Variants in RYR1 observed in about 807,000 individuals in gnomAD.
The protein encoded by RYR1 is ryanodine receptor 1.
Under a neutral mutation model 583.5 loss-of-function variants are expected in RYR1, and 342 were observed. That is an observed-to-expected ratio of 0.59 (90% CI 0.54 to 0.64). RYR1 has a LOEUF of 0.64. Ranked by LOEUF, RYR1 falls within the 30% of genes least tolerant of loss-of-function variation. RYR1 has a pLI of 0.00. For missense variants in RYR1, 6,032 were observed against 6,917.2 expected, an observed-to-expected ratio of 0.87 and a Z score of 4.54; for synonymous variants, 2,791 against 2,822.5, an observed-to-expected ratio of 0.99 and a Z score of 0.35.
At chr19:38,484,243 G>A (rs956234106) in intron 33 of RYR1, among the ~76,000 whole-genome samples, 6 of 152,076 alleles carry the variant, frequency 3.9e-5, no homozygotes, top group Non-Finnish European at 8.8e-5. Flanking sequence ...ATTGAGCTAG[G>A]ATCACGCCAC....
At chr19:38,503,070 C>T in intron 49 of RYR1, 100 bp downstream of exon 49, 8 of 1,134,566 alleles carry the variant, frequency 7.1e-6, no homozygotes, top group Non-Finnish European at 1.0e-5. Context: ...ACTGCCCAGC[C>T]CAATAAACCT....
intron 69 of RYR1, chr19:38,523,525 AT>A (rs1340620529): frequency 3.5e-6 from 2 of 567,182 alleles, no homozygotes; most frequent in African/African-American, 4.7e-5. Context: ...CCTCCTCTCC[AT>A]CTCCCTCTTC....
chr19:38,584,627 C>G (rs1165205852), intron 101 of RYR1, among the ~76,000 whole-genome samples: 1 of 90,410 alleles, frequency 1.1e-5, no homozygotes, highest in East Asian at 3.4e-4. Context: ...CCATCCCAGC[C>G]CTGACCCCTC....
At chr19:38,462,891 CTTTTTTTTTTT>C (rs553168266) in intron 20 of RYR1, among the ~76,000 whole-genome samples, 1 of 78,754 alleles carries the variant, frequency 1.3e-5, no homozygotes, top group African/African-American at 4.9e-5. Flanking sequence ...ACTCTCTCTT[CTTTTTTTTTTT>C]TTTTTTTTTT....
chr19:38,583,105 T>C (rs1489996938), intron 101 of RYR1, among the ~76,000 whole-genome samples: 1 of 152,050 alleles, frequency 6.6e-6, no homozygotes, highest in Admixed American at 6.6e-5. Context: ...GAGACCAGTC[T>C]GGCCAACGTG....
In RYR1 at chr19:38,580,072, A is replaced by G; in HGVS notation, c.14455A>G (p.Met4819Val). 1.2e-6 allele frequency: 2 copies of G among 1,614,142 alleles called. No individual in the cohort carries two copies. Among genetic ancestry groups the G allele is most frequent in the Non-Finnish European group, 1.7e-6 (2 of 1,180,026 alleles). ...FFAAHLLDIA[M>V]GVKTLRTILS... ...TGCTGCCCATCTCCTGGACATCGCC[A>G]TGGGGGTCAAGACGCTGCGCACCAT... The change falls in exon 100 of 106, where the codon ATG becomes GTG. Residue 4819 changes from methionine (M) to valine (V), a missense_variant. By Grantham distance (21) the Met-to-Val change is conservative (BLOSUM62 1). Around this residue, in one of 11 missense-constraint regions of RYR1, gnomAD observed 189 missense variants for 350.3 expected, o/e 0.54. Coordinates refer to ENST00000359596, the MANE Select transcript of RYR1 (RefSeq NM_000540.3).
intron 90 of RYR1, 83 bp from the exon 91 acceptor site, chr19:38,564,876 C>G (rs1973316179): frequency 6.5e-7 from 1 of 1,530,242 alleles, no homozygotes; most frequent in Non-Finnish European, 8.8e-7. Flanking sequence ...CCGCGGTGAC[C>G]CCTTGTAGCT....
intron 78 of RYR1, among the ~76,000 whole-genome samples, chr19:38,533,468 C>T (rs918525703): frequency 6.6e-6 from 1 of 152,020 alleles, no homozygotes. Flanking sequence ...ATTTGTGATC[C>T]AGTAATACTT....
In RYR1 at chr19:38,500,912, C is replaced by G. The variant is rs368560744; in HGVS notation, c.7536C>G (p.Ile2512Met). 8 of 1,613,890 alleles carry G rather than the reference C, an allele frequency of 5.0e-6. No individual in the cohort carries two copies. The highest frequency in any genetic ancestry group is 6.8e-6 in the Non-Finnish European group (8 of 1,179,980). ...TCTTCCTGGACCGTGTGTATGGCATCGAGAACCAGGACTTCTTGCTGCACG... is the reference window on the plus strand; with the variant it reads ...TCTTCCTGGACCGTGTGTATGGCATGGAGAACCAGGACTTCTTGCTGCACG... ...MVLFLDRVYG[I>M]ENQDFLLHVL... Residue 2512 changes from isoleucine to methionine, a missense_variant, in exon 47 of 106, where the codon ATC (isoleucine) becomes ATG (methionine). This residue lies in a region of RYR1 where 2,627 missense variants were observed against 2,961.3 expected (regional missense o/e 0.89). Transcript: ENST00000359596. The surrounding 1 kb of genome is among the most constrained non-coding windows in gnomAD (Gnocchi z 5.9).
rs527732736 is a variant in RYR1, at chr19:38,473,650, G to A, written c.4039G>A (p.Gly1347Ser). 14 of 1,556,296 alleles carry A rather than the reference G, an allele frequency of 9.0e-6. No individual in the cohort carries two copies. Among genetic ancestry groups the A allele is most frequent in the East Asian group, 7.2e-5 (3 of 41,660 alleles). ...TGGGGGCTGGAGCGAGGCAGAGAAC[G>A]GCAAAGAAGGGACTGCGAAGGAGGG... Reference protein sequence around the residue: ...SAGGWSEAENGKEGTAKEGAP... With the variant: ...SAGGWSEAENSKEGTAKEGAP... Residue 1347 changes from glycine to serine, a missense_variant, in exon 28 of 106, where the codon GGC becomes AGC. Physicochemically the swap from Gly to Ser is moderately conservative, Grantham distance 56 (BLOSUM62 0). Around this residue, in one of 11 missense-constraint regions of RYR1, gnomAD observed 2,627 missense variants for 2,961.3 expected, o/e 0.89. Coordinates refer to ENST00000359596, the MANE Select transcript of RYR1 (RefSeq NM_000540.3).
In RYR1 at chr19:38,543,137, A is replaced by G. The variant is rs1160858776; in HGVS notation, c.11690-210A>G. ...AATTACAGGCGTGAGCCACCCGGCC[A>G]GTATTTTTAGACAAATGAATAAATG... On this transcript the variant is annotated intron_variant, in intron 84 of 105. Transcript: ENST00000359596. This position sits in a 1 kb window ranked among gnomAD's most constrained non-coding sequence, Gnocchi z 4.4. Among the ~76,000 whole-genome samples, 1 of 152,208 alleles carries G rather than the reference A, an allele frequency of 6.6e-6. No homozygotes were observed. The highest frequency in any genetic ancestry group is 2.4e-5 in the African/African-American group (1 of 41,454).
At chr19:38,540,241 GA>G (rs1972139063) in intron 84 of RYR1, among the ~76,000 whole-genome samples, 2 of 151,906 alleles carry the variant, frequency 1.3e-5, no homozygotes, top group Admixed American at 1.3e-4. Flanking sequence ...TTAGGAGGCT[GA>G]GGCAGGAGGA....
intron 13 of RYR1, among the ~76,000 whole-genome samples, chr19:38,455,020 G>T (rs1267454920): frequency 6.6e-6 from 1 of 152,082 alleles, no homozygotes; most frequent in Non-Finnish European, 1.5e-5. Context: ...TCATATTGGG[G>T]ATAGAGTCAG....
intron 19 of RYR1, 51 bp downstream of exon 19, chr19:38,459,389 T>G: frequency 2.6e-6 from 4 of 1,540,802 alleles, no homozygotes; most frequent in Non-Finnish European, 3.6e-6. Flanking sequence ...AGGACTGACC[T>G]GAGACAGCTT....
intron 11 of RYR1, among the ~76,000 whole-genome samples, chr19:38,449,220 G>A (rs1191265841): frequency 6.6e-6 from 1 of 152,198 alleles, no homozygotes; most frequent in Non-Finnish European, 1.5e-5. Flanking sequence ...AGCACTTTGG[G>A]AGGCCCAGGC....
chr19:38,519,671 T>G lies in RYR1; in HGVS notation c.10259+217T>G, dbSNP rs2960327. On this transcript the variant is annotated intron_variant, in intron 67 of 105. Coordinates refer to ENST00000359596, the MANE Select transcript of RYR1 (RefSeq NM_000540.3). ...TTTCTTTTTGTTTTTGGTTTTTGGGTTTTTTTTTGTTTGTTTTTGTTTTTG... is the reference window on the plus strand; with the variant it reads ...TTTCTTTTTGTTTTTGGTTTTTGGGGTTTTTTTTGTTTGTTTTTGTTTTTG... Among the ~76,000 whole-genome samples, 26,698 of 150,586 alleles carry G rather than the reference T, an allele frequency of 0.18. 3,040 individuals are homozygous for G. Among genetic ancestry groups the G allele is most frequent in the African/African-American group, 0.32 (13,013 of 40,458 alleles).
rs367659232 is a variant in RYR1 at position 38,485,833 on chromosome 19, C to T, written c.5178C>T (p.Arg1726=). Residue 1726 remains arginine, a synonymous_variant, in exon 34 of 106, where the codon CGC becomes CGT. Coordinates refer to ENST00000359596, the MANE Select transcript of RYR1 (RefSeq NM_000540.3). ...ACCTCGAAAGTGCCTGCCGCAGCCGCCGCTCCATGCTCTCTGAATACATCG... is the reference window on the plus strand; with the variant it reads ...ACCTCGAAAGTGCCTGCCGCAGCCGTCGCTCCATGCTCTCTGAATACATCG... ...SIHLESACRS[R]RSMLSEYIVP... 5 of 1,613,630 alleles carry T rather than the reference C, an allele frequency of 3.1e-6. No homozygotes were observed. The African/African-American group carries it at 6.7e-5, about 22-fold the overall frequency.
rs756593088 is a variant in RYR1 at position 38,496,207 on chromosome 19, G to A, written c.6549-8G>A. The A allele has an allele frequency of 7.4e-6, 12 of 1,612,202 alleles. No homozygotes were observed. The highest frequency in any genetic ancestry group is 4.0e-5 in the African/African-American group (3 of 74,884). On this transcript the variant is annotated splice_polypyrimidine_tract_variant and splice_region_variant and intron_variant, in intron 39 of 105. Transcript: ENST00000359596. The surrounding 1 kb of genome is among the most constrained non-coding windows in gnomAD (Gnocchi z 4.8). ...CCTGGTGACCCCGCACACTCTGCCC[G>A]TGCACAGGAACATCATGAACAACAA...
intron 96 of RYR1, 132 bp from the exon 97 acceptor site, chr19:38,575,787 A>G: frequency 1.1e-6 from 1 of 928,944 alleles, no homozygotes; most frequent in Non-Finnish European, 1.7e-6. Flanking sequence ...TGGGCAACAG[A>G]GTGAGACTCC....
Sources: gnomAD v4.1 joint callset for allele counts (sites outside exome capture counted in the v4.1 genomes callset) on GRCh38, gnomAD v4.1.1 for gene constraint, gnomAD v4.1.1 regional missense constraint, Gnocchi (gnomAD v3.1) non-coding constraint, MANE v1.5 for transcripts, NCBI Gene and HGNC (gene_info 2026-07-23, HGNC 2026-07-21) for gene names.